The following ODC1 variants were observed in gnomAD, a reference collection of about 807,000 sequenced individuals.
ODC1 encodes the protein ornithine decarboxylase.
A neutral mutation model predicts 41.5 loss-of-function variants in ODC1; 18 were observed. The ratio of observed to expected loss-of-function variants is 0.43; its 90% confidence interval spans 0.30 to 0.64. The LOEUF (loss-of-function observed/expected upper bound fraction) is 0.64, where lower values mean the gene tolerates loss of function less well. ODC1 is among the 30% of genes least tolerant of loss of function. The pLI, the probability that ODC1 is intolerant of heterozygous loss-of-function variation, is 0.11. For missense variants in ODC1, 504 were observed against 589.0 expected, an observed-to-expected ratio of 0.86 and a Z score of 1.49; for synonymous variants, 218 against 211.6, an observed-to-expected ratio of 1.03 and a Z score of -0.26.
chr2:10,444,268 C>A lies in ODC1; in HGVS notation c.277-1G>T. On this transcript the variant is annotated splice_acceptor_variant, in intron 4 of 11. Coordinates refer to ENST00000234111, the MANE Select transcript of ODC1 (RefSeq NM_002539.3). LOFTEE classifies it high-confidence loss of function. The stretch of plus-strand genomic sequence containing the variant: ...GACTCTGCACCAACTGTATTTCAGT[C>A]TGAAAAAGAAGAGTGGTGTCATGCT... 1 of 1,569,924 alleles carries A rather than the reference C, an allele frequency of 6.4e-7. No individual in the cohort carries two copies. The highest frequency in any genetic ancestry group is 8.6e-7 in the Non-Finnish European group (1 of 1,161,908).
At chr2:10,446,811 G>C (rs1331974172) in intron 1 of ODC1, 2 of 361,574 alleles carry the variant, frequency 5.5e-6, no homozygotes, top group Non-Finnish European at 1.1e-5. Flanking sequence ...ACTATGACAG[G>C]CCCAGGGTGA....
In ODC1 at chr2:10,440,765, G is replaced by A. The variant is rs747941618; in HGVS notation, c.1345C>T (p.Arg449Cys). Residue 449 changes from arginine (R) to cysteine (C), a missense_variant, in exon 12 of 12, where the codon CGC becomes TGC. This residue lies in a region of ODC1 where 447 missense variants were observed against 524.4 expected (regional missense o/e 0.85). Coordinates refer to ENST00000234111, the MANE Select transcript of ODC1 (RefSeq NM_002539.3). ...VSCAWESGMK[R>C]HRAACASASI... ...GCCGAAGCACAGGCTGCTCTGTGGC[G>A]TTTCATCCCACTCTCCCAGGCACAA... 27 of 1,614,052 alleles carry A rather than the reference G, an allele frequency of 1.7e-5. No individual in the cohort carries two copies. Among genetic ancestry groups the A allele is most frequent in the Admixed American group, 1.2e-4 (7 of 60,014 alleles).
chr2:10,447,654 T>A (rs993499551), intron 1 of ODC1: 2 of 152,422 alleles, frequency 1.3e-5, no homozygotes, highest in African/African-American at 4.8e-5. Flanking sequence ...ATTGGTGTCA[T>A]CTGCTCTGTA....
rs751157665 is a variant in ODC1, at chr2:10,443,872, T to C, written c.450-36A>G. On this transcript the variant is annotated intron_variant, in intron 5 of 11. Transcript: ENST00000234111. ...GGAAAGTGCAGCAAATGTCTCATGA[T>C]AGATGTTCACTTATAGCCACAATTA... The C allele has an allele frequency of 5.0e-6, 8 of 1,609,484 alleles. No homozygotes were observed. In the East Asian group the frequency reaches 6.7e-5, roughly 13 times the overall value.
intron 1 of ODC1, among the ~76,000 whole-genome samples, chr2:10,447,222 T>C (rs930791618): frequency 2.6e-5 from 4 of 152,228 alleles, no homozygotes; most frequent in African/African-American, 4.8e-5. Flanking sequence ...TCGGTCTTTC[T>C]GTAACAGCTA....
In ODC1 at chr2:10,448,266, C is replaced by T. The variant is rs538755970; in HGVS notation, c.-273G>A. On this transcript the variant is annotated 5_prime_UTR_variant, in exon 1 of 12. Coordinates refer to ENST00000234111, the MANE Select transcript of ODC1 (RefSeq NM_002539.3). Reference sequence around the variant, plus strand: ...CGCCGGAGACGCCGGCCCGAGGTGGCGCCGGAGCTGCTGGCAGAGGGGCGG... The same window carrying T: ...CGCCGGAGACGCCGGCCCGAGGTGGTGCCGGAGCTGCTGGCAGAGGGGCGG... The T allele has an allele frequency of 5.7e-4, 131 of 230,224 alleles. 3 individuals are homozygous for T. In the South Asian group the frequency reaches 6.9e-3, roughly 12 times the overall value. The allele number at this position is 230,224 out of a possible 1,614,324, so 14.3% of individuals were successfully genotyped here.
chr2:10,444,313 C>T (rs372154312), intron 4 of ODC1, 46 bp from the exon 5 acceptor site: 11 of 1,534,420 alleles, frequency 7.2e-6, no homozygotes, highest in East Asian at 6.8e-5. Context: ...TGGCTTAACA[C>T]GTGGAATAAA....
At chr2:10,446,993 G>C (rs1292949627) in intron 1 of ODC1, 1 of 156,266 alleles carries the variant, frequency 6.4e-6, no homozygotes, top group Non-Finnish European at 1.4e-5. Flanking sequence ...ATATATTTTT[G>C]TTTATATGAA....
chr2:10,447,842 CGGGGCCGCA>C (rs1672082418), intron 1 of ODC1: 1 of 152,274 alleles, frequency 6.6e-6, no homozygotes, highest in Non-Finnish European at 1.5e-5. Flanking sequence ...GAGGCCGGCG[CGGGGCCGCA>C]GGGTCTCCGG....
At chr2:10,442,888 T>A (rs1054985715) in intron 8 of ODC1, among the ~76,000 whole-genome samples, 3 of 152,030 alleles carry the variant, frequency 2.0e-5, no homozygotes, top group African/African-American at 7.2e-5. Context: ...TTTTAAAATT[T>A]TTTTTGTAGA....
intron 1 of ODC1, chr2:10,446,786 G>A (rs995060916): frequency 2.6e-5 from 11 of 425,912 alleles, no homozygotes; most frequent in Non-Finnish European, 4.1e-5. Flanking sequence ...GACACAGTTT[G>A]CTCTGGCATG....
rs1671786690 is a variant in ODC1, at chr2:10,440,568, A to AT, written c.*155dup. On this transcript the variant is annotated 3_prime_UTR_variant, in exon 12 of 12. Coordinates refer to ENST00000234111, the MANE Select transcript of ODC1 (RefSeq NM_002539.3). ...TCAAATAGTTTCCATAGGAACACAGATAAGTGTGACCCATATCCTAGTCTT... is the reference window on the plus strand; with the variant it reads ...TCAAATAGTTTCCATAGGAACACAGATTAAGTGTGACCCATATCCTAGTCTT... 3 of 638,274 alleles carry AT rather than the reference A, an allele frequency of 4.7e-6. No homozygotes were observed. The highest frequency in any genetic ancestry group is 7.9e-6 in the Non-Finnish European group (3 of 380,750). 39.5% of individuals were successfully genotyped at this position (638,274 alleles called of 1,614,324 possible).
In ODC1 at chr2:10,445,101, A is replaced by G. The variant is rs564476755; in HGVS notation, c.-17-52T>C. 1.6e-4 allele frequency: 150 copies of G among 935,048 alleles called. No homozygotes were observed. The African/African-American group carries it at 2.2e-3, about 14-fold the overall frequency. 57.9% of individuals were successfully genotyped at this position (935,048 alleles called of 1,614,324 possible). A position where few individuals can be genotyped will look rare whatever the true frequency, so the allele number is the denominator to read the frequency against. ...GTGGAGAAATTCACTTAGAAGCCTT[A>G]GCAATACAATTCTTAAGATTAACCT... On this transcript the variant is annotated intron_variant, in intron 2 of 11. Coordinates refer to ENST00000234111, the MANE Select transcript of ODC1 (RefSeq NM_002539.3).
chr2:10,443,999 G>T, intron 5 of ODC1, 96 bp downstream of exon 5: 1 of 1,466,464 alleles, frequency 6.8e-7, no homozygotes, highest in East Asian at 2.3e-5. Context: ...TTCTACTAAA[G>T]TATAGAAATA....
At chr2:10,447,452 A>G (rs1672062838) in intron 1 of ODC1, 1 of 152,280 alleles carries the variant, frequency 6.6e-6, no homozygotes, top group South Asian at 2.1e-4. Context: ...CGCAAACAGC[A>G]CAATCAGCCT....
rs765667335 is a variant in ODC1 at position 10,444,629 on chromosome 2, A to G, written c.121T>C (p.Tyr41His). The G allele has an allele frequency of 2.5e-6, 4 of 1,613,278 alleles. No individual in the cohort carries two copies. In the East Asian group the frequency reaches 6.7e-5, roughly 27 times the overall value. ...VSSSDDKDAF[Y>H]VADLGDILKK... ...AGAATGTCTCCCAGGTCTGCCACATAGAAGGCATCCTTATCATCCTGAAAC... is the reference window on the plus strand; with the variant it reads ...AGAATGTCTCCCAGGTCTGCCACATGGAAGGCATCCTTATCATCCTGAAAC... The change falls in exon 4 of 12, where the codon TAT becomes CAT. Residue 41 changes from tyrosine to histidine, a missense_variant. Transcript: ENST00000234111.
In ODC1 at chr2:10,442,039, C is replaced by G. The variant is rs1671841749; in HGVS notation, c.886G>C (p.Val296Leu). ...TCAGAGCCCGTCTGTTCCTTTAATACAATTTTCTTGGCAATGATATTAACT... is the reference window on the plus strand; with the variant it reads ...TCAGAGCCCGTCTGTTCCTTTAATAGAATTTTCTTGGCAATGATATTAACT... ...LAVNIIAKKI[V>L]LKEQTGSDDE... The change falls in exon 9 of 12, where the codon GTA becomes CTA. Residue 296 changes from valine (V) to leucine (L), a missense_variant. Transcript: ENST00000234111. 2 of 1,613,958 alleles carry G rather than the reference C, an allele frequency of 1.2e-6. No homozygotes were observed. The highest frequency in any genetic ancestry group is 1.7e-6 in the Non-Finnish European group (2 of 1,179,908).
At chr2:10,447,949 G>A (rs1672089722) in intron 1 of ODC1, among the ~76,000 whole-genome samples, 172 bp downstream of exon 1, 1 of 152,110 alleles carries the variant, frequency 6.6e-6, no homozygotes, top group African/African-American at 2.4e-5. Flanking sequence ...AGCCGCGGGA[G>A]AACCCCGGGC....
At chr2:10,444,030 T>C in intron 5 of ODC1, 65 bp downstream of exon 5, 2 of 1,506,788 alleles carry the variant, frequency 1.3e-6, no homozygotes, top group Admixed American at 2.2e-5. Flanking sequence ...AAATTTAAGT[T>C]TGTTTGATAA....
Sources: allele counts gnomAD v4.1 joint callset (sites outside exome capture counted in the v4.1 genomes callset), GRCh38; gene constraint gnomAD v4.1.1; regional missense constraint gnomAD v4.1.1; transcripts MANE v1.5; gene names NCBI Gene and HGNC (gene_info 2026-07-23, HGNC 2026-07-21).